The following KLHL14 variants were observed in gnomAD, a reference collection of about 807,000 sequenced individuals.
KLHL14 encodes the protein kelch-like protein 14.
KLHL14 carries 22 observed loss-of-function variants against 64.3 expected under a neutral mutation model. The ratio of observed to expected loss-of-function variants is 0.34; its 90% CI spans 0.24 to 0.49. The LOEUF is 0.49. KLHL14 is among the 20% of genes least tolerant of loss of function. The pLI, the probability that KLHL14 is intolerant of heterozygous loss-of-function variation, is 0.99. For missense variants in KLHL14, 661 were observed against 789.0 expected (o/e 0.84, Z 1.94); for synonymous variants, 322 against 333.4 (o/e 0.97, Z 0.37).
intron 2 of KLHL14, among the ~76,000 whole-genome samples, chr18:32,749,047 C>T (rs1222224664): frequency 2.0e-5 from 3 of 152,114 alleles, no homozygotes; most frequent in Non-Finnish European, 4.4e-5. Flanking sequence ...AAGCAGGTGG[C>T]CTATGCCCTC....
Position 32,687,135 on chromosome 18 carries a change from T to C in KLHL14, c.1238+20A>G. 1 of 1,603,346 alleles carries C rather than the reference T, an allele frequency of 6.2e-7. No individual in the cohort carries two copies. ...GTAAAGCCGTCACAAACGTTTCAGG[T>C]GCAAGAAATAAACACTTACCTTTCC... is the stretch of plus-strand genomic sequence containing the variant. On this transcript the variant is annotated intron_variant, in intron 5 of 8. Coordinates refer to ENST00000359358, the MANE Select transcript of KLHL14 (RefSeq NM_020805.3).
intron 3 of KLHL14, among the ~76,000 whole-genome samples, chr18:32,700,699 TAC>T (rs1383173772): frequency 1.3e-5 from 2 of 152,114 alleles, no homozygotes; most frequent in Non-Finnish European, 2.9e-5. Context: ...GCAAACCGGG[TAC>T]ACACTAGTCA....
chr18:32,743,025 TG>T (rs2050206576), intron 2 of KLHL14: 1 of 152,388 alleles, frequency 6.6e-6, no homozygotes, highest in South Asian at 2.1e-4. Context: ...ACCTGATGGA[TG>T]TACAATCCTC....
In KLHL14 at chr18:32,769,942, T is replaced by G; in HGVS notation, c.650A>C (p.Asn217Thr). 6 of 1,614,112 alleles carry G rather than the reference T, an allele frequency of 3.7e-6. No homozygotes were observed. Among genetic ancestry groups the G allele is most frequent in the Non-Finnish European group, 5.1e-6 (6 of 1,180,022 alleles). The change falls in exon 2 of 9, where the codon AAC becomes ACC. Residue 217 changes from asparagine to threonine, a missense_variant. By Grantham distance (65) the Asn-to-Thr change is moderately conservative. This residue lies in a region of KLHL14 where 331 missense variants were observed against 339.0 expected (regional missense o/e 0.98). Coordinates refer to ENST00000359358, the MANE Select transcript of KLHL14 (RefSeq NM_020805.3). Reference sequence around the variant, plus strand: ...CAGCAGGGCGCGCATCTCCTCGAAGTTGAGCAGCAGCACATCCTCCACCAG... The same window carrying G: ...CAGCAGGGCGCGCATCTCCTCGAAGGTGAGCAGCAGCACATCCTCCACCAG... ...KYLVEDVLLL[N>T]FEEMRALLDS...
At chr18:32,745,264 A>G (rs1253885120) in intron 2 of KLHL14, 1 of 152,250 alleles carries the variant, frequency 6.6e-6, no homozygotes, top group African/African-American at 2.4e-5. Context: ...CCAAGCCAGT[A>G]TCAATATTAT....
intron 3 of KLHL14, among the ~76,000 whole-genome samples, chr18:32,704,121 A>T (rs1347211639): frequency 6.6e-6 from 1 of 152,222 alleles, no homozygotes; most frequent in African/African-American, 2.4e-5. Flanking sequence ...TAGCAGAGCA[A>T]CATATATTAT....
At chr18:32,749,273 C>T (rs1000001090) in intron 2 of KLHL14, among the ~76,000 whole-genome samples, 3 of 152,086 alleles carry the variant, frequency 2.0e-5, no homozygotes, top group East Asian at 1.9e-4. Flanking sequence ...AGTAGCAAAG[C>T]GATCCAGAGT....
chr18:32,729,506 T>C (rs913201083), intron 3 of KLHL14, among the ~76,000 whole-genome samples: 1 of 152,190 alleles, frequency 6.6e-6, no homozygotes, highest in Non-Finnish European at 1.5e-5. Context: ...ATTTACATTG[T>C]AATAGGATTT....
intron 2 of KLHL14, among the ~76,000 whole-genome samples, chr18:32,760,508 C>A (rs554124327): frequency 6.6e-6 from 1 of 152,168 alleles, no homozygotes; most frequent in Non-Finnish European, 1.5e-5. Context: ...TTCAGAGGCA[C>A]CTGAAGGCAC....
At chr18:32,748,985 T>C (rs958037960) in intron 2 of KLHL14, among the ~76,000 whole-genome samples, 2 of 152,224 alleles carry the variant, frequency 1.3e-5, no homozygotes, top group East Asian at 3.8e-4. Flanking sequence ...ATTATCCTCA[T>C]CCTCATTATC....
chr18:32,751,352 G>A (rs1041037531), intron 2 of KLHL14, among the ~76,000 whole-genome samples: 3 of 152,156 alleles, frequency 2.0e-5, no homozygotes, highest in African/African-American at 4.8e-5. Flanking sequence ...AGCTTTCATC[G>A]GAAGAGCCTT....
At chr18:32,764,277 G>C (rs1271907844) in intron 2 of KLHL14, among the ~76,000 whole-genome samples, 1 of 151,946 alleles carries the variant, frequency 6.6e-6, no homozygotes, top group African/African-American at 2.4e-5. Context: ...TTTATATCCA[G>C]TATGCTTGAA....
chr18:32,675,974 A>G (rs2049809370), intron 8 of KLHL14, among the ~76,000 whole-genome samples: 1 of 152,172 alleles, frequency 6.6e-6, no homozygotes, highest in Admixed American at 6.6e-5. Context: ...CACCAAATTA[A>G]TCTTACAAAA....
At chr18:32,716,606 A>G (rs1168685750) in intron 3 of KLHL14, among the ~76,000 whole-genome samples, 2 of 151,918 alleles carry the variant, frequency 1.3e-5, no homozygotes, top group African/African-American at 2.4e-5. Context: ...TTGAGTAGAG[A>G]TGGGGTTTTG....
At chr18:32,702,063 T>A (rs542069812) in intron 3 of KLHL14, among the ~76,000 whole-genome samples, 1 of 152,360 alleles carries the variant, frequency 6.6e-6, no homozygotes, top group East Asian at 1.9e-4. Flanking sequence ...AAAATCCATT[T>A]GTATTTTATA....
intron 3 of KLHL14, among the ~76,000 whole-genome samples, chr18:32,714,423 A>G (rs1171297338): frequency 6.6e-6 from 1 of 152,216 alleles, no homozygotes; most frequent in African/African-American, 2.4e-5. Flanking sequence ...GTATTACAGT[A>G]GTAATATTAA....
rs1355035486 is a variant in KLHL14, at chr18:32,757,874, A to T, written c.947+11771T>A. Among the ~76,000 whole-genome samples, 5 of 152,230 alleles carry T rather than the reference A, an allele frequency of 3.3e-5. No individual in the cohort carries two copies. The East Asian group carries it at 9.6e-4, about 29-fold the overall frequency. ...TTAATAATAGTCATAAGTGTCATAT[A>T]AAAGCATCTAGAGAATTTTGCACTG... is the stretch of plus-strand genomic sequence containing the variant. On this transcript the variant is annotated intron_variant, in intron 2 of 8. Transcript: ENST00000359358.
At chr18:32,712,726 G>A (rs928034464) in intron 3 of KLHL14, among the ~76,000 whole-genome samples, 1 of 152,082 alleles carries the variant, frequency 6.6e-6, no homozygotes, top group Admixed American at 6.6e-5. Flanking sequence ...TAGGGTTTCT[G>A]TTCCCATTTT....
chr18:32,731,756 C>A (rs1037068745), intron 3 of KLHL14, among the ~76,000 whole-genome samples: 24 of 151,476 alleles, frequency 1.6e-4, no homozygotes, highest in African/African-American at 5.3e-4. Context: ...TACATATTTG[C>A]ATAACTATAT....
Sources: allele counts gnomAD v4.1 joint callset (sites outside exome capture counted in the v4.1 genomes callset), GRCh38; gene constraint gnomAD v4.1.1; regional missense constraint gnomAD v4.1.1; transcripts MANE v1.5; gene names NCBI Gene and HGNC (gene_info 2026-07-23, HGNC 2026-07-21).